The following RIMS1 variants were observed in gnomAD, a reference collection of about 807,000 sequenced individuals.
RIMS1 encodes the protein regulating synaptic membrane exocytosis protein 1.
In RIMS1, 83 loss-of-function variants were observed where a neutral mutation model predicts 214.1. That is an observed-to-expected ratio of 0.39 (90% CI 0.32 to 0.47). The LOEUF (loss-of-function observed/expected upper bound fraction) is 0.47, where lower values mean the gene tolerates loss of function less well. RIMS1 is among the 20% of genes least tolerant of loss of function. RIMS1 has a pLI of 0.99. For missense variants in RIMS1, 2,050 were observed against 2,161.8 expected, an observed-to-expected ratio of 0.95 and a Z score of 1.03; for synonymous variants, 793 against 786.8, an observed-to-expected ratio of 1.01 and a Z score of -0.13.
At chr6:71,889,859 G>A (rs147411766) in intron 1 of RIMS1, among the ~76,000 whole-genome samples, 1,844 of 152,214 alleles carry the variant, frequency 0.012, 16 homozygotes, top group South Asian at 0.042. Flanking sequence ...GTAATTATGG[G>A]TGATCATAAT....
At chr6:72,213,074 C>G in intron 6 of RIMS1, 1 of 1,535,450 alleles carries the variant, frequency 6.5e-7, no homozygotes. Context: ...GTGGTTTAAA[C>G]AGCAAGGCTT....
chr6:72,026,195 A>G (rs1816411869), intron 2 of RIMS1, among the ~76,000 whole-genome samples: 1 of 152,126 alleles, frequency 6.6e-6, no homozygotes. Flanking sequence ...TTCAAGAAAA[A>G]CAGCAACATT....
At chr6:72,300,469 A>T (rs1372694474) in intron 26 of RIMS1, among the ~76,000 whole-genome samples, 1 of 151,804 alleles carries the variant, frequency 6.6e-6, no homozygotes, top group Non-Finnish European at 1.5e-5. Context: ...TAGATTCTGT[A>T]TCCATTAGTA....
intron 29 of RIMS1, among the ~76,000 whole-genome samples, chr6:72,353,133 C>T (rs976397278): frequency 6.6e-6 from 1 of 151,538 alleles, no homozygotes; most frequent in Non-Finnish European, 1.5e-5. Context: ...TACAGGCACC[C>T]ACTACCACGC....
chr6:72,148,998 A>G (rs2043139800), intron 4 of RIMS1, among the ~76,000 whole-genome samples: 1 of 152,126 alleles, frequency 6.6e-6, no homozygotes, highest in Non-Finnish European at 1.5e-5. Flanking sequence ...CCAAAGGAAA[A>G]AAAAAATCTG....
chr6:72,204,457 T>G (rs2052568753), intron 6 of RIMS1, among the ~76,000 whole-genome samples: 1 of 152,334 alleles, frequency 6.6e-6, no homozygotes, highest in Non-Finnish European at 1.5e-5. Context: ...CCTGACTGAT[T>G]AGCATTTATT....
intron 31 of RIMS1, among the ~76,000 whole-genome samples, chr6:72,393,241 C>T (rs1311652431): frequency 6.7e-6 from 1 of 149,156 alleles, no homozygotes; most frequent in Non-Finnish European, 1.5e-5. Flanking sequence ...TGGAGAAAAA[C>T]ACTAAAAAGT....
chr6:72,261,720 A>G, intron 19 of RIMS1: 1 of 985,278 alleles, frequency 1.0e-6, no homozygotes, highest in Non-Finnish European at 1.2e-6. Flanking sequence ...GTCTGTGTGT[A>G]ATATGTAGTT....
At chr6:71,906,880 A>G (rs1425175013) in intron 1 of RIMS1, among the ~76,000 whole-genome samples, 2 of 152,186 alleles carry the variant, frequency 1.3e-5, no homozygotes, top group Non-Finnish European at 2.9e-5. Context: ...AATAATGATT[A>G]TTTTATAACA....
intron 2 of RIMS1, among the ~76,000 whole-genome samples, chr6:72,021,019 G>A (rs1261931246): frequency 1.3e-5 from 2 of 152,074 alleles, no homozygotes; most frequent in African/African-American, 2.4e-5. Flanking sequence ...TCTAACTAAA[G>A]TTGTAGTGAA....
intron 4 of RIMS1, among the ~76,000 whole-genome samples, chr6:72,143,633 G>C (rs2042348386): frequency 6.6e-6 from 1 of 152,194 alleles, no homozygotes; most frequent in Non-Finnish European, 1.5e-5. Flanking sequence ...TTGAAACCTT[G>C]GTGATGAACC....
intron 2 of RIMS1, among the ~76,000 whole-genome samples, chr6:72,059,339 T>C (rs1418963495): frequency 6.6e-6 from 1 of 152,078 alleles, no homozygotes; most frequent in Non-Finnish European, 1.5e-5. Context: ...CAATCCTCCC[T>C]CCTCTGCCTC....
intron 2 of RIMS1, among the ~76,000 whole-genome samples, chr6:72,002,625 A>T (rs1343564473): frequency 6.6e-6 from 1 of 152,172 alleles, no homozygotes; most frequent in Non-Finnish European, 1.5e-5. Flanking sequence ...TCACTGAGCA[A>T]AGGCAAAAAG....
chr6:72,257,835 A>G (rs997584582), intron 16 of RIMS1, among the ~76,000 whole-genome samples: 3 of 152,208 alleles, frequency 2.0e-5, no homozygotes, highest in Admixed American at 2.0e-4. Flanking sequence ...CATTATTTAA[A>G]TTGAAACAGT....
chr6:72,022,666 C>T (rs548761699), intron 2 of RIMS1, among the ~76,000 whole-genome samples: 3 of 152,156 alleles, frequency 2.0e-5, no homozygotes, highest in Admixed American at 6.6e-5. Context: ...TAGTCGTGTT[C>T]GATGAAATTG....
intron 31 of RIMS1, among the ~76,000 whole-genome samples, chr6:72,393,464 C>T (rs758305544): frequency 5.3e-5 from 8 of 152,136 alleles, no homozygotes; most frequent in Admixed American, 4.6e-4. Context: ...GTGGCTCACG[C>T]CTGTAATCCC....
chr6:72,143,735 A>G (rs754795255), intron 4 of RIMS1, among the ~76,000 whole-genome samples: 16 of 152,216 alleles, frequency 1.1e-4, no homozygotes, highest in Non-Finnish European at 2.1e-4. Context: ...GGCTCCAGAC[A>G]ATGCCAAAGA....
In RIMS1 at chr6:72,115,966, A is replaced by G. The variant is rs531387817; in HGVS notation, c.471+15980A>G. The stretch of plus-strand genomic sequence containing the variant: ...ACTAGAGACTATGGCTAGCAGAAAT[A>G]ATTCTTACTGACAATATAAATATGT... On this transcript the variant is annotated intron_variant, in intron 4 of 33. Coordinates refer to ENST00000521978, the MANE Select transcript of RIMS1 (RefSeq NM_014989.7). Among the ~76,000 whole-genome samples the G allele has an allele frequency of 1.5e-3, 234 of 152,076 alleles. 2 individuals are homozygous for G. Among genetic ancestry groups the G allele is most frequent in the Non-Finnish European group, 2.2e-3 (149 of 67,904 alleles).
chr6:72,088,222 TTTA>T (rs1275521177), intron 2 of RIMS1, among the ~76,000 whole-genome samples: 2 of 74,212 alleles, frequency 2.7e-5, no homozygotes, highest in African/African-American at 8.0e-5. Context: ...ATTTACTTTA[TTTA>T]TTTATTTATT....
Sources: gnomAD v4.1 joint callset for allele counts (sites outside exome capture counted in the v4.1 genomes callset) on GRCh38, gnomAD v4.1.1 for gene constraint, MANE v1.5 for transcripts, NCBI Gene and HGNC (gene_info 2026-07-23, HGNC 2026-07-21) for gene names.